The following PTPRJ variants were observed in gnomAD, a reference collection of about 807,000 sequenced individuals.
PTPRJ encodes receptor-type tyrosine-protein phosphatase eta.
In PTPRJ, 129 loss-of-function variants were observed where a neutral mutation model predicts 141.3. The observed-to-expected ratio is 0.91, with a 90% CI of 0.79 to 1.06. The LOEUF (loss-of-function observed/expected upper bound fraction) is 1.06. PTPRJ is among the 50% of genes least tolerant of loss of function. The pLI is 0.00. For synonymous variants in PTPRJ, 610 were observed against 640.5 expected (o/e 0.95, Z 0.72); for missense variants, 1,601 against 1,679.7 (o/e 0.95, Z 0.82).
intron 1 of PTPRJ, among the ~76,000 whole-genome samples, chr11:48,096,055 C>T (rs1391095790): frequency 6.6e-6 from 1 of 152,220 alleles, no homozygotes; most frequent in Non-Finnish European, 1.5e-5. Context: ...GCCCTGACTC[C>T]CACAGCATTG....
chr11:48,132,174 A>G, intron 8 of PTPRJ: 6 of 985,460 alleles, frequency 6.1e-6, no homozygotes, highest in Non-Finnish European at 7.2e-6. Flanking sequence ...TGGACTGTTC[A>G]CAGTCTTTCC....
intron 3 of PTPRJ, among the ~76,000 whole-genome samples, chr11:48,113,378 G>T (rs1210809921): frequency 1.3e-5 from 2 of 152,110 alleles, no homozygotes; most frequent in African/African-American, 4.8e-5. Context: ...TTTAATACCT[G>T]CCTGGCATTC....
rs552337154 is a variant in PTPRJ, at chr11:48,142,841, C to T, written c.2444-78C>T. The T allele has an allele frequency of 2.7e-6, 4 of 1,483,710 alleles. No homozygotes were observed. The African/African-American group carries it at 4.2e-5, about 16-fold the overall frequency. 91.9% of individuals were successfully genotyped at this position (1,483,710 alleles called of 1,614,324 possible). On this transcript the variant is annotated intron_variant, in intron 11 of 24. Transcript: ENST00000418331. Reference sequence around the variant, plus strand: ...CCAGAGTAAGATCTTGAGGAGGTTGCTGAAGCATGTTCTCTACCTAATGTG... The same window carrying T: ...CCAGAGTAAGATCTTGAGGAGGTTGTTGAAGCATGTTCTCTACCTAATGTG...
chr11:48,069,480 C>T (rs112181020), intron 1 of PTPRJ, among the ~76,000 whole-genome samples: 22,578 of 141,448 alleles, frequency 0.16, 2,101 homozygotes, highest in African/African-American at 0.25. Context: ...GATGGAGTCT[C>T]GCTCTGGTGC....
chr11:48,008,870 C>T (rs1854695526), intron 1 of PTPRJ, among the ~76,000 whole-genome samples: 1 of 152,148 alleles, frequency 6.6e-6, no homozygotes, highest in African/African-American at 2.4e-5. Flanking sequence ...TGGCCACACC[C>T]CGGTTTATTG....
chr11:48,043,516 G>GT (rs1422250839), intron 1 of PTPRJ, among the ~76,000 whole-genome samples: 7 of 152,324 alleles, frequency 4.6e-5, no homozygotes, highest in East Asian at 1.9e-4. Flanking sequence ...GAAAGCAGTG[G>GT]TTTTTTGTCT....
At chr11:48,156,400 C>T (rs1590566499) in intron 21 of PTPRJ, among the ~76,000 whole-genome samples, 1 of 152,008 alleles carries the variant, frequency 6.6e-6, no homozygotes, top group East Asian at 1.9e-4. Flanking sequence ...TCTCCCAGGC[C>T]TAGTGCAAGA....
chr11:48,081,493 G>T (rs1373159510), intron 1 of PTPRJ, among the ~76,000 whole-genome samples: 6 of 152,322 alleles, frequency 3.9e-5, no homozygotes, highest in Admixed American at 3.3e-4. Flanking sequence ...GACTTTGGGT[G>T]GCCGCCGAGG....
At chr11:47,997,243 A>T (rs1854361619) in intron 1 of PTPRJ, among the ~76,000 whole-genome samples, 1 of 152,200 alleles carries the variant, frequency 6.6e-6, no homozygotes, top group African/African-American at 2.4e-5. Flanking sequence ...TGTCCCCTAA[A>T]GGGCAAACTA....
chr11:47,997,113 GT>G (rs1176879988), intron 1 of PTPRJ, among the ~76,000 whole-genome samples: 1 of 152,228 alleles, frequency 6.6e-6, no homozygotes, highest in African/African-American at 2.4e-5. Flanking sequence ...ATAACTCGCT[GT>G]TTTGGGAGGC....
intron 1 of PTPRJ, among the ~76,000 whole-genome samples, chr11:48,042,759 GGTGTGTGTGTGTGT>G (rs757012527): frequency 6.8e-6 from 1 of 146,390 alleles, no homozygotes; most frequent in Non-Finnish European, 1.5e-5. Flanking sequence ...TGTGTGTAGG[GGTGTGTGTGTGTGT>G]GTGTGTGTGT....
chr11:48,154,814 T>C (rs770953093), intron 19 of PTPRJ, among the ~76,000 whole-genome samples: 3 of 152,180 alleles, frequency 2.0e-5, no homozygotes, highest in Non-Finnish European at 4.4e-5. Context: ...AGGCTGGGGG[T>C]ATTGCCCTTG....
Position 48,130,646 on chromosome 11 carries a change from T to C in PTPRJ, c.1545T>C (p.Tyr515=), listed in dbSNP as rs147404913. The change falls in exon 8 of 25, where the codon TAT becomes TAC. Residue 515 remains tyrosine, a synonymous_variant. Coordinates refer to ENST00000418331, the MANE Select transcript of PTPRJ (RefSeq NM_002843.4). ...IIGGLFPGTK[Y]CFEIVPKGPN... Reference sequence around the variant, plus strand: ...GTGGCTTGTTCCCTGGAACCAAGTATTGCTTTGAAATAGTTCCAAAAGGAC... The same window carrying C: ...GTGGCTTGTTCCCTGGAACCAAGTACTGCTTTGAAATAGTTCCAAAAGGAC... The C allele has an allele frequency of 1.2e-6, 2 of 1,614,060 alleles. No homozygotes were observed. Among genetic ancestry groups the C allele is most frequent in the Non-Finnish European group, 1.7e-6 (2 of 1,179,966 alleles).
In PTPRJ at chr11:48,143,050, G is replaced by C. The variant is rs752195647; in HGVS notation, c.2575G>C (p.Ala859Pro). 1 of 1,614,104 alleles carries C rather than the reference G, an allele frequency of 6.2e-7. No homozygotes were observed. The highest frequency in any genetic ancestry group is 8.5e-7 in the Non-Finnish European group (1 of 1,179,980). The change falls in exon 12 of 25, where the codon GCT becomes CCT. Residue 859 changes from alanine to proline, a missense_variant and splice_region_variant. Ala to Pro is a conservative substitution (Grantham distance 27). Coordinates refer to ENST00000418331, the MANE Select transcript of PTPRJ (RefSeq NM_002843.4). ...TGCTGTCATTCTCACCACCGGGGAA[G>C]GTAAGGAGAGGCCTCCGTGGGTTAA... ...AYAVILTTGE[A>P]GHPSADVLKY...
At chr11:48,084,223 G>A (rs776014571) in intron 1 of PTPRJ, among the ~76,000 whole-genome samples, 2 of 152,154 alleles carry the variant, frequency 1.3e-5, no homozygotes, top group Non-Finnish European at 2.9e-5. Context: ...CCAGGCTGGA[G>A]TGCAGTGGAG....
chr11:48,123,457 A>G (rs1856755759), intron 4 of PTPRJ, among the ~76,000 whole-genome samples, 156 bp from the exon 5 acceptor site: 1 of 152,174 alleles, frequency 6.6e-6, no homozygotes. Context: ...ATAGAAAGGA[A>G]GTATTTTTAG....
At chr11:48,053,845 G>T (rs1327767535) in intron 1 of PTPRJ, among the ~76,000 whole-genome samples, 1 of 150,744 alleles carries the variant, frequency 6.6e-6, no homozygotes, top group Admixed American at 6.6e-5. Flanking sequence ...AAAGGGCTGG[G>T]ATTACAGGCA....
intron 1 of PTPRJ, among the ~76,000 whole-genome samples, chr11:48,037,760 C>T (rs753773364): frequency 3.3e-5 from 5 of 152,096 alleles, no homozygotes; most frequent in Non-Finnish European, 5.9e-5. Context: ...TTGCAGTGAG[C>T]CAGGATTGTG....
chr11:48,124,562 C>T (rs2279822), intron 5 of PTPRJ, among the ~76,000 whole-genome samples: 24,771 of 152,164 alleles, frequency 0.16, 2,293 homozygotes, highest in African/African-American at 0.24. Flanking sequence ...TGCAGCTGCC[C>T]CACCAGCCAG....
Sources: allele counts gnomAD v4.1 joint callset (sites outside exome capture counted in the v4.1 genomes callset), GRCh38; gene constraint gnomAD v4.1.1; transcripts MANE v1.5; gene names NCBI Gene and HGNC (gene_info 2026-07-23, HGNC 2026-07-21).